Variants in HECTD4 observed in about 807,000 individuals in gnomAD.
HECTD4 encodes the protein probable E3 ubiquitin-protein ligase HECTD4.
In HECTD4, 114 loss-of-function variants were observed where a neutral mutation model predicts 471.5. The ratio of observed to expected loss-of-function variants is 0.24; its 90% CI spans 0.21 to 0.28. The LOEUF is 0.28. Among genes scored for constraint, HECTD4 ranks in the 10% least tolerant of loss-of-function variants. The pLI, the probability that HECTD4 is intolerant of heterozygous loss-of-function variation, is 1.00. For synonymous variants in HECTD4, 2,012 were observed against 2,256.0 expected, an observed-to-expected ratio of 0.89 and a Z score of 3.07; for missense variants, 3,866 against 5,651.5, an observed-to-expected ratio of 0.68 and a Z score of 10.13.
At chr12:112,170,127 C>T (rs1035023505) in intron 69 of HECTD4, 39 of 679,266 alleles carry the variant, frequency 5.7e-5, no homozygotes, top group African/African-American at 5.2e-4. Flanking sequence ...GGTGGGCCCC[C>T]GGGAGCCAAG....
At chr12:112,191,104 A>G (rs1593913573) in intron 59 of HECTD4, 139 bp from the exon 60 acceptor site, 1 of 661,082 alleles carries the variant, frequency 1.5e-6, no homozygotes, top group East Asian at 2.8e-5. Context: ...AGGAGGACAC[A>G]TAACTCCTGA....
chr12:112,219,933 C>T (rs903523241), intron 44 of HECTD4, among the ~76,000 whole-genome samples: 3 of 152,188 alleles, frequency 2.0e-5, no homozygotes, highest in Admixed American at 2.0e-4. Flanking sequence ...TACCCCGAGA[C>T]ATCTTTGTCT....
intron 21 of HECTD4, 144 bp from the exon 22 acceptor site, chr12:112,254,306 T>C: frequency 1.0e-6 from 1 of 981,088 alleles, no homozygotes; most frequent in South Asian, 1.8e-5. Context: ...ATTTCCCGAT[T>C]TTTTTAGGTA....
chr12:112,315,790 G>A (rs1049063114), intron 2 of HECTD4, among the ~76,000 whole-genome samples: 1 of 151,632 alleles, frequency 6.6e-6, no homozygotes, highest in Admixed American at 6.6e-5. Context: ...CAGCACTTTG[G>A]GAGGCTGAGG....
At chr12:112,244,179 AG>A (rs2135581073) in intron 29 of HECTD4, among the ~76,000 whole-genome samples, 170 bp from the exon 30 acceptor site, 1 of 152,074 alleles carries the variant, frequency 6.6e-6, no homozygotes, top group African/African-American at 2.4e-5. Context: ...TTTTAACCTA[AG>A]TATTAGGTTA....
rs548137214 is a variant in HECTD4, at chr12:112,278,552, T to C, written c.1687+676A>G. ...TATGTCTTATGCTTAGTATTTTGTATATGTGTCCTAAAATGGAGGTGTTTT... is the reference window on the plus strand; with the variant it reads ...TATGTCTTATGCTTAGTATTTTGTACATGTGTCCTAAAATGGAGGTGTTTT... On this transcript the variant is annotated intron_variant, in intron 9 of 75. Transcript: ENST00000682272. Among the ~76,000 whole-genome samples the C allele has an allele frequency of 2.6e-5, 4 of 152,366 alleles. No individual in the cohort carries two copies. In the East Asian group the frequency reaches 5.8e-4, roughly 22 times the overall value.
At chr12:112,361,149 G>T (rs2036441555) in intron 1 of HECTD4, among the ~76,000 whole-genome samples, 1 of 152,010 alleles carries the variant, frequency 6.6e-6, no homozygotes, top group Non-Finnish European at 1.5e-5. Flanking sequence ...AAACTTGAGG[G>T]ACCCAATACT....
At chr12:112,355,479 G>A (rs903204841) in intron 1 of HECTD4, among the ~76,000 whole-genome samples, 6 of 146,378 alleles carry the variant, frequency 4.1e-5, no homozygotes, top group African/African-American at 1.5e-4. Context: ...AAAAATAAAG[G>A]CCAGGCACGG....
chr12:112,226,597 A>G (rs1339014807), intron 44 of HECTD4, 46 bp downstream of exon 44: 6 of 1,276,588 alleles, frequency 4.7e-6, no homozygotes, highest in African/African-American at 1.5e-5. Context: ...AAATGTGCTG[A>G]GAAAATTCAA....
At position 112,264,136 on chromosome 12, in the gene HECTD4, T is replaced by C; in HGVS notation, c.2696A>G (p.Asp899Gly). Residue 899 changes from aspartate to glycine, a missense_variant, in exon 17 of 76, where the codon GAT becomes GGT. Asp to Gly is a moderately conservative substitution (Grantham distance 94). Around this residue, in one of 16 missense-constraint regions of HECTD4, gnomAD observed 525 missense variants for 672.6 expected, o/e 0.78. Coordinates refer to ENST00000682272, the MANE Select transcript of HECTD4 (RefSeq NM_001388303.1). ...LLSNTILIKPDENDDSDSSLQ... is the reference protein window; with the variant it reads ...LLSNTILIKPGENDDSDSSLQ... ...GGAGCTGTCACTGTCATCATTCTCA[T>C]CAGGTTTAATCAAAATAGTGTTACT... 6 of 1,608,524 alleles carry C rather than the reference T, an allele frequency of 3.7e-6. No individual in the cohort carries two copies. The highest frequency in any genetic ancestry group is 5.1e-6 in the Non-Finnish European group (6 of 1,177,410).
chr12:112,213,314 A>G lies in HECTD4; in HGVS notation c.7466-664T>C, dbSNP rs892172657. ...AAATGAAGTTTTTCTCTTTTGACAC[A>G]TGGAGGATTACTTATGACGAATAAG... On this transcript the variant is annotated intron_variant, in intron 48 of 75. Transcript: ENST00000682272. This position sits in a 1 kb window ranked among gnomAD's most constrained non-coding sequence, Gnocchi z 4.0. Among the ~76,000 whole-genome samples, 2 of 152,152 alleles carry G rather than the reference A, an allele frequency of 1.3e-5. No homozygotes were observed. The highest frequency in any genetic ancestry group is 6.5e-5 in the Admixed American group (1 of 15,270).
chr12:112,265,081 A>G (rs2034237409), intron 16 of HECTD4, 94 bp downstream of exon 16: 2 of 1,163,016 alleles, frequency 1.7e-6, no homozygotes, highest in Non-Finnish European at 2.3e-6. Context: ...AAATTATTGT[A>G]AGTCTGTATG....
At chr12:112,334,566 G>T (rs1343780020) in intron 1 of HECTD4, among the ~76,000 whole-genome samples, 1 of 150,746 alleles carries the variant, frequency 6.6e-6, no homozygotes, top group Non-Finnish European at 1.5e-5. Context: ...AGGCCGAGGC[G>T]GGCAGATCAC....
At chr12:112,250,421 G>A in intron 24 of HECTD4, 44 bp from the exon 25 acceptor site, 1 of 1,384,570 alleles carries the variant, frequency 7.2e-7, no homozygotes, top group Admixed American at 1.7e-5. Context: ...CTCTCAACAA[G>A]AGTATTGGAA....
intron 11 of HECTD4, among the ~76,000 whole-genome samples, chr12:112,272,879 G>C (rs950178231): frequency 7.9e-5 from 12 of 152,186 alleles, no homozygotes; most frequent in Admixed American, 7.9e-4. Flanking sequence ...TGGCAGCAAA[G>C]CTGCTGCTTT....
At chr12:112,195,610 A>G (rs181542797) in intron 55 of HECTD4, among the ~76,000 whole-genome samples, 1 of 152,312 alleles carries the variant, frequency 6.6e-6, no homozygotes, top group African/African-American at 2.4e-5. Flanking sequence ...GGAAAGGAGG[A>G]TGGGAAGTAA....
chr12:112,246,417 A>T (rs7953257), intron 29 of HECTD4, among the ~76,000 whole-genome samples: 108,965 of 152,100 alleles, frequency 0.72, 41,405 homozygotes, highest in East Asian at 1. Context: ...GCGGATCACC[A>T]GAGGTCAGGA....
intron 45 of HECTD4, 121 bp from the exon 46 acceptor site, chr12:112,217,316 C>CAT (rs200020782): frequency 7.6e-6 from 4 of 524,928 alleles, no homozygotes; most frequent in Non-Finnish European, 6.3e-6. Flanking sequence ...CACACACACA[C>CAT]ATACACACAC....
intron 1 of HECTD4, among the ~76,000 whole-genome samples, chr12:112,327,337 G>A (rs2035766352): frequency 6.6e-6 from 1 of 151,782 alleles, no homozygotes; most frequent in Non-Finnish European, 1.5e-5. Context: ...AAAAAAGGAA[G>A]TGTTTAATTA....
Sources: allele counts gnomAD v4.1 joint callset (sites outside exome capture counted in the v4.1 genomes callset), GRCh38; gene constraint gnomAD v4.1.1; regional missense constraint gnomAD v4.1.1; non-coding constraint Gnocchi (gnomAD v3.1); transcripts MANE v1.5; gene names NCBI Gene and HGNC (gene_info 2026-07-23, HGNC 2026-07-21).